DNAH6: variants seen among roughly 807,000 people sequenced by gnomAD.
DNAH6 encodes axonemal beta dynein heavy chain 6.
A neutral mutation model predicts 491.4 loss-of-function variants in DNAH6; 340 were observed. The ratio of observed to expected loss-of-function variants is 0.69; its 90% CI spans 0.63 to 0.76. The LOEUF (loss-of-function observed/expected upper bound fraction) is 0.76. DNAH6 is among the 30% of genes least tolerant of loss of function. The probability of loss-of-function intolerance (pLI) is 0.00; values close to 1 mark genes in which losing one functional copy is unlikely to be tolerated. For missense variants in DNAH6, 4,443 were observed against 4,972.2 expected (o/e 0.89, Z 3.20); for synonymous variants, 1,603 against 1,686.1 (o/e 0.95, Z 1.21).
chr2:84,700,877 A>G (rs774293419), intron 48 of DNAH6, among the ~76,000 whole-genome samples: 3 of 152,194 alleles, frequency 2.0e-5, no homozygotes, highest in Admixed American at 6.5e-5. Flanking sequence ...CGTGTGCATG[A>G]TACTGTGGAG....
chr2:84,499,481 G>GT, the DNAH6 span, among the ~76,000 whole-genome samples: 3 of 152,118 alleles, frequency 2.0e-5, no homozygotes, highest in Non-Finnish European at 4.4e-5. Flanking sequence ...CTTATCTATT[G>GT]TAAACAGTGC....
At chr2:84,486,607 G>T in the DNAH6 span, among the ~76,000 whole-genome samples, 1 of 152,236 alleles carries the variant, frequency 6.6e-6, no homozygotes, top group Non-Finnish European at 1.5e-5. Flanking sequence ...AGTGACTAGA[G>T]TGTGATAAGC....
At chr2:84,547,980 A>G (rs1184200042) in intron 7 of DNAH6, among the ~76,000 whole-genome samples, 2 of 152,210 alleles carry the variant, frequency 1.3e-5, no homozygotes, top group Non-Finnish European at 2.9e-5. Context: ...GTTAGCATGT[A>G]CTATAAAGGT....
chr2:84,514,110 C>T (rs1253661433), upstream of DNAH6, among the ~76,000 whole-genome samples: 1 of 152,160 alleles, frequency 6.6e-6, no homozygotes, highest in Non-Finnish European at 1.5e-5. Flanking sequence ...GGCATTTGTA[C>T]CCACAGCACC....
intron 64 of DNAH6, among the ~76,000 whole-genome samples, chr2:84,773,224 CT>C (rs1675805426): frequency 6.6e-6 from 1 of 152,048 alleles, no homozygotes; most frequent in East Asian, 1.9e-4. Flanking sequence ...TCTTCCTCCC[CT>C]ATCTGGTAGT....
intron 63 of DNAH6, among the ~76,000 whole-genome samples, chr2:84,755,776 A>G (rs939582727): frequency 1.3e-5 from 2 of 152,158 alleles, no homozygotes; most frequent in Admixed American, 6.5e-5. Context: ...TTAGCTGTCA[A>G]CTTTTCATGG....
chr2:84,705,839 G>T (rs1696378318), intron 52 of DNAH6, 92 bp downstream of exon 52: 1 of 1,367,518 alleles, frequency 7.3e-7, no homozygotes, highest in Non-Finnish European at 9.7e-7. Flanking sequence ...GTGGTCCTAC[G>T]CAATATAGAC....
chr2:84,699,228 G>C (rs1322138602), intron 47 of DNAH6, among the ~76,000 whole-genome samples: 2 of 151,630 alleles, frequency 1.3e-5, no homozygotes, highest in Non-Finnish European at 2.9e-5. Context: ...TGCAACTTCT[G>C]CCAGGCTCTG....
intron 29 of DNAH6, among the ~76,000 whole-genome samples, chr2:84,634,241 T>C (rs1451969938): frequency 6.6e-6 from 1 of 152,098 alleles, no homozygotes; most frequent in Non-Finnish European, 1.5e-5. Context: ...CAGAGGTGAG[T>C]GGAGGTTATA....
chr2:84,748,722 T>C (rs551542431), intron 63 of DNAH6, among the ~76,000 whole-genome samples: 1 of 152,356 alleles, frequency 6.6e-6, no homozygotes, highest in Non-Finnish European at 1.5e-5. Context: ...TTACACATTT[T>C]CTGGTATCTT....
At chr2:84,691,896 G>C (rs535914983) in intron 45 of DNAH6, among the ~76,000 whole-genome samples, 25 of 152,348 alleles carry the variant, frequency 1.6e-4, no homozygotes, top group African/African-American at 5.5e-4. Flanking sequence ...GCTGACCCCG[G>C]TTTTAGACAA....
intron 30 of DNAH6, among the ~76,000 whole-genome samples, chr2:84,636,024 G>C (rs1299471615): frequency 6.6e-6 from 1 of 152,060 alleles, no homozygotes; most frequent in Non-Finnish European, 1.5e-5. Context: ...AATTTTATCT[G>C]CTAGATGCCT....
Position 84,703,410 on chromosome 2 carries a change from A to G in DNAH6, c.8077A>G (p.Lys2693Glu). 1 of 1,522,788 alleles carries G rather than the reference A, an allele frequency of 6.6e-7. No individual in the cohort carries two copies. The highest frequency in any genetic ancestry group is 8.8e-7 in the Non-Finnish European group (1 of 1,131,988). The allele number at this position is 1,522,788 out of a possible 1,614,324, so 94.3% of individuals were successfully genotyped here. ...KQIISARDRV[K>E]NGLTKLLETN... ...TGTCACTTAGGCACGAGATCGGGTG[A>G]AGAATGGTCTCACCAAGCTACTAGA... is the stretch of plus-strand genomic sequence containing the variant. Residue 2693 changes from lysine (K) to glutamate (E), a missense_variant, in exon 50 of 77, where the codon AAG becomes GAG. Transcript: ENST00000389394.
the DNAH6 span, among the ~76,000 whole-genome samples, chr2:84,485,749 G>A: frequency 2.0e-5 from 3 of 151,910 alleles, no homozygotes; most frequent in Non-Finnish European, 4.4e-5. Flanking sequence ...CGGCAAGAGT[G>A]GGTCTTAGTG....
rs1198251629 is a variant in DNAH6, at chr2:84,707,576, G to A, written c.8908G>A (p.Ala2970Thr). The A allele has an allele frequency of 1.3e-6, 2 of 1,551,946 alleles. No individual in the cohort carries two copies. Among genetic ancestry groups the A allele is most frequent in the Admixed American group, 2.0e-5 (1 of 51,000 alleles). ...AGTACGTGCTGGAAAGCTGACAGCA[G>A]CATTAGAAGATGAGCAGGTTCGATG... is the stretch of plus-strand genomic sequence containing the variant. ...RLVRAGKLTA[A>T]LEDEQVRWEE... The change falls in exon 54 of 77, where the codon GCA becomes ACA. Residue 2970 changes from alanine (A) to threonine (T), a missense_variant. By Grantham distance (58) the Ala-to-Thr change is moderately conservative. Coordinates refer to ENST00000389394, the MANE Select transcript of DNAH6 (RefSeq NM_001370.2).
intron 47 of DNAH6, among the ~76,000 whole-genome samples, chr2:84,699,211 C>T (rs187003804): frequency 7.2e-5 from 11 of 152,192 alleles, no homozygotes; most frequent in African/African-American, 2.6e-4. Flanking sequence ...AAAAAACTCC[C>T]ATACCATGCA....
chr2:84,651,166 A>C lies in DNAH6; in HGVS notation c.5079-2153A>C, dbSNP rs149236827. Among the ~76,000 whole-genome samples the C allele has an allele frequency of 3.0e-3, 454 of 152,268 alleles. 1 individual carries two copies. Among genetic ancestry groups the C allele is most frequent in the African/African-American group, 0.011 (440 of 41,562 alleles). On this transcript the variant is annotated intron_variant, in intron 33 of 76. Transcript: ENST00000389394. Reference sequence around the variant, plus strand: ...GAAGACAGCTTTATTACCCCTGGACAGTGGTAAAAGTCCTGACTCTCCACT... The same window carrying C: ...GAAGACAGCTTTATTACCCCTGGACCGTGGTAAAAGTCCTGACTCTCCACT...
At chr2:84,755,914 GT>G (rs1380661672) in intron 63 of DNAH6, among the ~76,000 whole-genome samples, 2 of 152,208 alleles carry the variant, frequency 1.3e-5, no homozygotes, top group Non-Finnish European at 2.9e-5. Flanking sequence ...TCTCGTGACA[GT>G]GAATAAGTCT....
At chr2:84,563,090 G>A (rs970501981) in intron 11 of DNAH6, among the ~76,000 whole-genome samples, 6 of 152,122 alleles carry the variant, frequency 3.9e-5, no homozygotes, top group Admixed American at 1.3e-4. Context: ...CACTTAAGAC[G>A]CAGCTTTGCT....
Sources: allele counts gnomAD v4.1 joint callset (sites outside exome capture counted in the v4.1 genomes callset), GRCh38; gene constraint gnomAD v4.1.1; transcripts MANE v1.5; gene names NCBI Gene and HGNC (gene_info 2026-07-23, HGNC 2026-07-21).